Variants in SAE1 observed in about 807,000 individuals in gnomAD.
SAE1 encodes SUMO-activating enzyme subunit 1.
SAE1 carries 11 observed loss-of-function variants against 40.6 expected under a neutral mutation model. The ratio of observed to expected loss-of-function variants is 0.27; its 90% CI spans 0.17 to 0.45. The LOEUF (loss-of-function observed/expected upper bound fraction) is 0.45. Among genes scored for constraint, SAE1 ranks in the 20% least tolerant of loss-of-function variants. The pLI, the probability that SAE1 is intolerant of heterozygous loss-of-function variation, is 1.00. For synonymous variants in SAE1, 155 were observed against 154.3 expected (o/e 1.00, Z -0.03); for missense variants, 373 against 427.3 (o/e 0.87, Z 1.12).
At chr19:47,139,218 A>G (rs929449283) in intron 1 of SAE1, among the ~76,000 whole-genome samples, 8 of 152,240 alleles carry the variant, frequency 5.3e-5, no homozygotes, top group Non-Finnish European at 8.8e-5. Flanking sequence ...AATTTTGTGT[A>G]TTTTTAGTAG....
At chr19:47,172,841 C>T (rs909082720) in intron 6 of SAE1, among the ~76,000 whole-genome samples, 3 of 151,928 alleles carry the variant, frequency 2.0e-5, no homozygotes, top group Admixed American at 6.6e-5. Context: ...TTGCTCTGTG[C>T]CGGGCGTTTT....
At chr19:47,138,153 C>T (rs1251916700) in intron 1 of SAE1, among the ~76,000 whole-genome samples, 2 of 152,234 alleles carry the variant, frequency 1.3e-5, no homozygotes, top group Non-Finnish European at 2.9e-5. Flanking sequence ...AGGCAATTCT[C>T]CTGCCTCAGC....
Position 47,146,906 on chromosome 19 carries a change from G to A in SAE1, c.211-3296G>A, listed in dbSNP as rs771226832. On this transcript the variant is annotated intron_variant, in intron 2 of 8. Coordinates refer to ENST00000270225, the MANE Select transcript of SAE1 (RefSeq NM_005500.3). ...GGTTTATGGATATCTGAGAGAAAAC[G>A]GCTGGTGGGCAGTACAGTAGAGAAG... Among the ~76,000 whole-genome samples, 9 of 152,274 alleles carry A rather than the reference G, an allele frequency of 5.9e-5. No homozygotes were observed. In the East Asian group the frequency reaches 9.6e-4, roughly 16 times the overall value.
rs186676805 is a variant in SAE1, at chr19:47,202,306, T to A, written c.879-1365T>A. Among the ~76,000 whole-genome samples, 57 of 151,866 alleles carry A rather than the reference T, an allele frequency of 3.8e-4. 1 individual carries two copies. The East Asian group carries it at 7.8e-3, about 21-fold the overall frequency. On this transcript the variant is annotated intron_variant, in intron 7 of 8. Coordinates refer to ENST00000270225, the MANE Select transcript of SAE1 (RefSeq NM_005500.3). ...TACCTATTTATTTATTTATTTATTTTTTGAGACAGTCTTGCCCTGTCACCA... is the reference window on the plus strand; with the variant it reads ...TACCTATTTATTTATTTATTTATTTATTGAGACAGTCTTGCCCTGTCACCA...
chr19:47,141,604 A>C (rs1219348141), intron 1 of SAE1, among the ~76,000 whole-genome samples: 2 of 152,134 alleles, frequency 1.3e-5, no homozygotes, highest in Non-Finnish European at 2.9e-5. Context: ...ATGATAAAAA[A>C]GCCTTTTTTT....
chr19:47,202,597 G>A (rs996064945), intron 7 of SAE1, among the ~76,000 whole-genome samples: 1 of 150,170 alleles, frequency 6.7e-6, no homozygotes, highest in Non-Finnish European at 1.5e-5. Context: ...AATTATACCC[G>A]TTTAGATTGT....
chr19:47,151,510 C>T (rs1322518186), intron 3 of SAE1, among the ~76,000 whole-genome samples: 2 of 151,822 alleles, frequency 1.3e-5, no homozygotes, highest in Admixed American at 6.6e-5. Context: ...CTCACTCTGT[C>T]GCCCAGGCTG....
chr19:47,156,410 C>T lies in SAE1; in HGVS notation c.627+1197C>T, dbSNP rs187163380. ...AGGAGAATAGCTTGAACTGGGGAGG[C>T]GGATGTTGCAGTGAGCCGAGACGGC... is the stretch of plus-strand genomic sequence containing the variant. On this transcript the variant is annotated intron_variant, in intron 5 of 8. Transcript: ENST00000270225. Among the ~76,000 whole-genome samples, 675 of 151,552 alleles carry T rather than the reference C, an allele frequency of 4.5e-3. 3 individuals carry two copies. The highest frequency in any genetic ancestry group is 5.8e-3 in the Non-Finnish European group (391 of 67,878).
intron 6 of SAE1, among the ~76,000 whole-genome samples, chr19:47,181,943 A>C (rs1454439236): frequency 2.6e-5 from 4 of 151,196 alleles, no homozygotes; most frequent in Non-Finnish European, 5.9e-5. Context: ...AGGTGGGATT[A>C]TTGTAGGCTA....
chr19:47,151,557 C>T (rs913989044), intron 3 of SAE1, among the ~76,000 whole-genome samples: 5 of 151,942 alleles, frequency 3.3e-5, no homozygotes, highest in Admixed American at 2.0e-4. Context: ...CTGCAACCTC[C>T]GCCTCCCTGG....
chr19:47,133,817 C>T (rs1038128685), intron 1 of SAE1, among the ~76,000 whole-genome samples: 10 of 150,372 alleles, frequency 6.7e-5, no homozygotes, highest in South Asian at 4.2e-4. Flanking sequence ...TTGGTGGGGT[C>T]GGGGAAGAGT....
At chr19:47,207,626 G>A (rs2058693007) in intron 8 of SAE1, among the ~76,000 whole-genome samples, 1 of 152,014 alleles carries the variant, frequency 6.6e-6, no homozygotes, top group Admixed American at 6.6e-5. Flanking sequence ...CAAAAGACAG[G>A]GCCACGTGCT....
intron 6 of SAE1, among the ~76,000 whole-genome samples, chr19:47,192,546 T>C (rs1023067807): frequency 2.0e-5 from 3 of 150,960 alleles, no homozygotes; most frequent in Non-Finnish European, 4.4e-5. Flanking sequence ...CATGCCCGGC[T>C]ACTTAATTTA....
chr19:47,196,590 C>G (rs1236696695), intron 6 of SAE1, among the ~76,000 whole-genome samples: 1 of 151,124 alleles, frequency 6.6e-6, no homozygotes, highest in African/African-American at 2.4e-5. Flanking sequence ...TCTCGAACTC[C>G]TGACCTTGTG....
At chr19:47,206,232 T>G (rs1254877806) in intron 8 of SAE1, among the ~76,000 whole-genome samples, 1 of 152,212 alleles carries the variant, frequency 6.6e-6, no homozygotes, top group Non-Finnish European at 1.5e-5. Flanking sequence ...TGGGTGTGTT[T>G]GGAATCTCCT....
At chr19:47,137,674 G>A (rs988123283) in intron 1 of SAE1, among the ~76,000 whole-genome samples, 3 of 150,856 alleles carry the variant, frequency 2.0e-5, no homozygotes, top group South Asian at 2.1e-4. Flanking sequence ...TTTTGTGTGT[G>A]CATGGCGTAT....
At chr19:47,158,157 C>G (rs2058335479) in intron 5 of SAE1, among the ~76,000 whole-genome samples, 2 of 152,090 alleles carry the variant, frequency 1.3e-5, no homozygotes, top group African/African-American at 4.8e-5. Context: ...CCTTCCCCTC[C>G]CCGCTTTCCC....
chr19:47,191,993 G>A (rs1352643623), intron 6 of SAE1, among the ~76,000 whole-genome samples: 1 of 151,222 alleles, frequency 6.6e-6, no homozygotes, highest in Non-Finnish European at 1.5e-5. Context: ...GGCGGAGCTT[G>A]CAGTGAGCCG....
rs575601112 is a variant in SAE1, at chr19:47,206,154, A to G, written c.948+2414A>G. Among the ~76,000 whole-genome samples, 3 of 152,244 alleles carry G rather than the reference A, an allele frequency of 2.0e-5. No homozygotes were observed. In the South Asian group the frequency reaches 6.2e-4, roughly 32 times the overall value. ...GCCCCCTCCTTCCTGCCTGCTGGAG[A>G]CAGCTGGTGCCCAGCATCTTGTTTC... is the stretch of plus-strand genomic sequence containing the variant. On this transcript the variant is annotated intron_variant, in intron 8 of 8. Coordinates refer to ENST00000270225, the MANE Select transcript of SAE1 (RefSeq NM_005500.3).
Sources: allele counts gnomAD v4.1 joint callset (sites outside exome capture counted in the v4.1 genomes callset), GRCh38; gene constraint gnomAD v4.1.1; transcripts MANE v1.5; gene names NCBI Gene and HGNC (gene_info 2026-07-23, HGNC 2026-07-21).